The following ZCCHC24 variants were observed in gnomAD, a reference collection of about 807,000 sequenced individuals.
The protein encoded by ZCCHC24 is zinc finger CCHC domain-containing protein 24.
In ZCCHC24, 10 loss-of-function variants were observed where a neutral mutation model predicts 26.2. That is an observed-to-expected ratio of 0.38 (90% CI 0.24 to 0.65). ZCCHC24 has a LOEUF of 0.65. Ranked by LOEUF, ZCCHC24 falls within the 30% of genes least tolerant of loss-of-function variation. The pLI is 0.54. For missense variants in ZCCHC24, 243 were observed against 329.1 expected, an observed-to-expected ratio of 0.74 and a Z score of 2.03; for synonymous variants, 144 against 147.1, an observed-to-expected ratio of 0.98 and a Z score of 0.15.
intron 2 of ZCCHC24, among the ~76,000 whole-genome samples, chr10:79,419,027 G>A (rs1856904160): frequency 6.6e-6 from 1 of 152,320 alleles, no homozygotes; most frequent in Non-Finnish European, 1.5e-5. Context: ...GTGCATGCAC[G>A]CACGTTTGCA....
rs1338316765 is a variant in ZCCHC24 at position 79,388,699 on chromosome 10, C to T, written c.613-2241G>A. On this transcript the variant is annotated intron_variant, in intron 3 of 3. Coordinates refer to ENST00000372336, the MANE Select transcript of ZCCHC24 (RefSeq NM_153367.4). ...CCAAAAAGGCCAGACTCAGCAGGCC[C>T]CACACAACCCTCACTCCCCATGGCT... Among the ~76,000 whole-genome samples, 3 of 152,198 alleles carry T rather than the reference C, an allele frequency of 2.0e-5. 1 individual carries two copies. Among genetic ancestry groups the T allele is most frequent in the Non-Finnish European group, 4.4e-5 (3 of 68,036 alleles).
intron 2 of ZCCHC24, among the ~76,000 whole-genome samples, chr10:79,430,080 A>C (rs1217420852): frequency 6.6e-6 from 1 of 152,162 alleles, no homozygotes; most frequent in Non-Finnish European, 1.5e-5. Flanking sequence ...AGTGACCCAA[A>C]GGAGAAAAAA....
chr10:79,391,610 T>C (rs1017189409), intron 3 of ZCCHC24, among the ~76,000 whole-genome samples: 1 of 151,884 alleles, frequency 6.6e-6, no homozygotes, highest in African/African-American at 2.4e-5. Flanking sequence ...GAAACTGGGC[T>C]GTTCCTGACT....
At chr10:79,442,554 G>A (rs1857303828) in intron 1 of ZCCHC24, among the ~76,000 whole-genome samples, 1 of 152,188 alleles carries the variant, frequency 6.6e-6, no homozygotes, top group African/African-American at 2.4e-5. Context: ...CTTGGCACAG[G>A]GGTTGGCGCA....
intron 1 of ZCCHC24, among the ~76,000 whole-genome samples, chr10:79,443,797 G>A (rs1380757817): frequency 6.6e-6 from 1 of 152,228 alleles, no homozygotes; most frequent in African/African-American, 2.4e-5. Context: ...ATGCTTTACA[G>A]TTTACAAAGA....
At position 79,386,441 on chromosome 10, in the gene ZCCHC24, G is replaced by C. The variant is rs61745177; in HGVS notation, c.630C>G (p.Pro210=). ...YPHKQRPLEK[P]DGLDVSDQSK... ...TCTGGTCGGACACGTCCAGGCCGTC[G>C]GGCTTCTCCAGGGGTCTCTGCAGAG... is the stretch of plus-strand genomic sequence containing the variant. Residue 210 remains proline, a synonymous_variant, in exon 4 of 4, where the codon CCC becomes CCG. Coordinates refer to ENST00000372336, the MANE Select transcript of ZCCHC24 (RefSeq NM_153367.4). 2.5e-6 allele frequency: 4 copies of C among 1,601,352 alleles called. No individual in the cohort carries two copies. Among genetic ancestry groups the C allele is most frequent in the African/African-American group, 1.3e-5 (1 of 74,798 alleles).
At chr10:79,418,892 C>T (rs1037843791) in intron 2 of ZCCHC24, among the ~76,000 whole-genome samples, 8 of 152,114 alleles carry the variant, frequency 5.3e-5, no homozygotes, top group Non-Finnish European at 7.4e-5. Flanking sequence ...GGGGAAGACT[C>T]CCTGAGAGAG....
At chr10:79,403,429 A>G in intron 2 of ZCCHC24, 1 of 985,406 alleles carries the variant, frequency 1.0e-6, no homozygotes, top group South Asian at 4.7e-5. Flanking sequence ...TCACATGTCC[A>G]CATGCACGGC....
rs11002967 is a variant in ZCCHC24 at position 79,417,198 on chromosome 10, C to A, written c.447+15360G>T. ...GCATGGGGAGGGCTCAGAGGGCCTG[C>A]GGGAGGGAGGGGCACAAGGCTCTGT... On this transcript the variant is annotated intron_variant, in intron 2 of 3. Transcript: ENST00000372336. Among the ~76,000 whole-genome samples the A allele has an allele frequency of 1.4e-4, 12 of 84,908 alleles. 5 individuals are homozygous for A. Among genetic ancestry groups the A allele is most frequent in the Admixed American group, 8.1e-4 (6 of 7,432 alleles). The allele number at this position is 84,908 out of a possible 152,430, so 55.7% of individuals were successfully genotyped here.
chr10:79,442,507 G>A (rs1857303196), intron 1 of ZCCHC24, among the ~76,000 whole-genome samples: 1 of 152,222 alleles, frequency 6.6e-6, no homozygotes, highest in Non-Finnish European at 1.5e-5. Context: ...CTATTGTGGT[G>A]GGAGCAGCCT....
chr10:79,392,526 C>G (rs934140168), intron 3 of ZCCHC24, among the ~76,000 whole-genome samples: 37 of 152,244 alleles, frequency 2.4e-4, no homozygotes, highest in African/African-American at 8.7e-4. Flanking sequence ...TGCCCCTGCA[C>G]CATCAGCCCT....
At chr10:79,407,485 C>T (rs1185102199) in intron 2 of ZCCHC24, among the ~76,000 whole-genome samples, 2 of 152,228 alleles carry the variant, frequency 1.3e-5, no homozygotes, top group South Asian at 4.1e-4. Context: ...GTACACTGCA[C>T]GCTGCTGCCC....
At chr10:79,421,427 C>T (rs907423876) in intron 2 of ZCCHC24, among the ~76,000 whole-genome samples, 4 of 143,390 alleles carry the variant, frequency 2.8e-5, no homozygotes, top group African/African-American at 1.2e-4. Flanking sequence ...CCTCTTCTCC[C>T]TCTCCCTTCC....
intron 1 of ZCCHC24, among the ~76,000 whole-genome samples, chr10:79,437,374 G>A (rs536875200): frequency 9.9e-5 from 15 of 152,208 alleles, no homozygotes; most frequent in Non-Finnish European, 1.8e-4. Flanking sequence ...CTGATCATGC[G>A]GTGTGTCATA....
At chr10:79,403,568 G>A (rs542159748) in intron 2 of ZCCHC24, 189 of 985,430 alleles carry the variant, frequency 1.9e-4, no homozygotes, top group Non-Finnish European at 2.2e-4. Context: ...CAGGATGCTG[G>A]GAGGGAGGAA....
intron 2 of ZCCHC24, among the ~76,000 whole-genome samples, chr10:79,417,125 C>T (rs1302117024): frequency 6.6e-6 from 1 of 152,238 alleles, no homozygotes; most frequent in Non-Finnish European, 1.5e-5. Context: ...ATACAAAATA[C>T]TAAGCCGTTT....
chr10:79,389,705 T>G (rs1027056155), intron 3 of ZCCHC24, among the ~76,000 whole-genome samples: 4 of 152,010 alleles, frequency 2.6e-5, no homozygotes, highest in Non-Finnish European at 2.9e-5. Context: ...AACCTCTGTC[T>G]CCTGGGTTCG....
intron 2 of ZCCHC24, among the ~76,000 whole-genome samples, chr10:79,397,215 G>A (rs1010348290): frequency 6.6e-6 from 1 of 152,314 alleles, no homozygotes; most frequent in Non-Finnish European, 1.5e-5. Context: ...AACGTCTTTG[G>A]ATCCTCAGTG....
chr10:79,439,730 G>A (rs552170052), intron 1 of ZCCHC24, among the ~76,000 whole-genome samples: 13 of 151,160 alleles, frequency 8.6e-5, no homozygotes, highest in African/African-American at 3.2e-4. Context: ...GGGAGGTGGA[G>A]GTTGCAGTGA....
Sources: allele counts gnomAD v4.1 joint callset (sites outside exome capture counted in the v4.1 genomes callset), GRCh38; gene constraint gnomAD v4.1.1; transcripts MANE v1.5; gene names NCBI Gene and HGNC (gene_info 2026-07-23, HGNC 2026-07-21).